GATAD1: variants seen among roughly 807,000 people sequenced by gnomAD.
GATAD1 encodes GATA zinc finger domain-containing protein 1.
In GATAD1, 12 loss-of-function variants were observed where a neutral mutation model predicts 26.5. The ratio of observed to expected loss-of-function variants is 0.45; its 90% CI spans 0.29 to 0.73. GATAD1 has a LOEUF of 0.73. GATAD1 is among the 30% of genes least tolerant of loss of function. The probability of loss-of-function intolerance (pLI) is 0.10; values close to 1 mark genes in which losing one functional copy is unlikely to be tolerated. For synonymous variants in GATAD1, 129 were observed against 133.1 expected, an observed-to-expected ratio of 0.97 and a Z score of 0.21; for missense variants, 266 against 342.1, an observed-to-expected ratio of 0.78 and a Z score of 1.75.
intron 2 of GATAD1, 32 bp from the exon 3 acceptor site, chr7:92,450,669 T>C (rs756899166): frequency 6.0e-6 from 9 of 1,500,248 alleles, no homozygotes; most frequent in Non-Finnish European, 7.4e-6. Context: ...ATACATACTA[T>C]GAATGTGCTA....
chr7:92,494,967 A>G, the GATAD1 span, among the ~76,000 whole-genome samples: 116 of 152,044 alleles, frequency 7.6e-4, 3 homozygotes, highest in African/African-American at 2.7e-3. Context: ...GGATCAAAAC[A>G]AAAACTGACT....
At chr7:92,493,092 G>A in the GATAD1 span, 4 of 1,612,034 alleles carry the variant, frequency 2.5e-6, no homozygotes, top group Non-Finnish European at 3.4e-6. Context: ...CAGAGGTAGA[G>A]AGTCACTGAG....
downstream of GATAD1, among the ~76,000 whole-genome samples, chr7:92,460,776 CAAAAAAAAAAAAA>C (rs557542327): frequency 1.6e-5 from 1 of 63,344 alleles, no homozygotes; most frequent in Non-Finnish European, 3.4e-5. Context: ...GACCTTCTCT[CAAAAAAAAAAAAA>C]AAAAAAAAAA....
At chr7:92,454,275 C>T (rs1789568478) in intron 3 of GATAD1, 1 of 466,884 alleles carries the variant, frequency 2.1e-6, no homozygotes, top group Non-Finnish European at 3.7e-6. Flanking sequence ...AATCTTTTCT[C>T]CAGATGTAAA....
At chr7:92,475,999 C>A in the GATAD1 span, among the ~76,000 whole-genome samples, 1 of 152,286 alleles carries the variant, frequency 6.6e-6, no homozygotes, top group African/African-American at 2.4e-5. Flanking sequence ...CCACAAGAGT[C>A]CCCGTATCAA....
chr7:92,487,491 A>G, the GATAD1 span: 1 of 1,596,488 alleles, frequency 6.3e-7, no homozygotes, highest in South Asian at 1.1e-5. Flanking sequence ...AGGTCGAAAC[A>G]TTGTTCCACT....
the GATAD1 span, among the ~76,000 whole-genome samples, chr7:92,495,022 C>A: frequency 6.6e-6 from 1 of 151,826 alleles, no homozygotes; most frequent in African/African-American, 2.4e-5. Flanking sequence ...TACAAGTAAC[C>A]ATTTTTATAT....
intron 4 of GATAD1, 22 bp downstream of exon 4, chr7:92,454,707 G>C: frequency 1.3e-6 from 2 of 1,534,596 alleles, no homozygotes; most frequent in Non-Finnish European, 1.8e-6. Context: ...AAATGGCACA[G>C]GTTTTTTTTT....
At chr7:92,469,910 G>C in the GATAD1 span, 5 of 778,672 alleles carry the variant, frequency 6.4e-6, no homozygotes, top group East Asian at 1.2e-4. Context: ...TGGGTACGGA[G>C]GGTTTCATGT....
the GATAD1 span, chr7:92,470,269 A>G: frequency 1.3e-6 from 1 of 778,730 alleles, no homozygotes; most frequent in East Asian, 2.4e-5. Flanking sequence ...CATTCTCCAT[A>G]GAAACTCTTG....
the GATAD1 span, among the ~76,000 whole-genome samples, chr7:92,465,997 C>T: frequency 1.3e-5 from 2 of 152,012 alleles, no homozygotes; most frequent in South Asian, 2.1e-4. Context: ...GAGTGAGACT[C>T]GGTCTCAAAA....
At chr7:92,491,938 G>A in the GATAD1 span, among the ~76,000 whole-genome samples, 1 of 152,130 alleles carries the variant, frequency 6.6e-6, no homozygotes, top group South Asian at 2.1e-4. Context: ...AAAACCTAGG[G>A]AGTTTCTGAT....
chr7:92,489,540 T>C, the GATAD1 span: 1 of 1,065,034 alleles, frequency 9.4e-7, no homozygotes, highest in African/African-American at 1.6e-5. Context: ...TTCTCTTCCT[T>C]ATAAGATAAT....
At chr7:92,478,608 C>G in the GATAD1 span, among the ~76,000 whole-genome samples, 5 of 152,094 alleles carry the variant, frequency 3.3e-5, no homozygotes, top group Non-Finnish European at 2.9e-5. Flanking sequence ...TTTGGTGCTG[C>G]CTAATTATGG....
intron 3 of GATAD1, among the ~76,000 whole-genome samples, chr7:92,453,856 CTG>C (rs1460163855): frequency 6.6e-6 from 1 of 152,172 alleles, no homozygotes; most frequent in Non-Finnish European, 1.5e-5. Context: ...TGCTTCATGA[CTG>C]TGGCTAACAA....
chr7:92,491,693 A>G, the GATAD1 span: 1 of 558,408 alleles, frequency 1.8e-6, no homozygotes, highest in Non-Finnish European at 3.2e-6. Flanking sequence ...TAAAGACAAG[A>G]TAGAATGTGT....
At chr7:92,489,437 A>G in the GATAD1 span, 121 of 1,610,374 alleles carry the variant, frequency 7.5e-5, no homozygotes, top group South Asian at 2.5e-4. Flanking sequence ...AAGTAAAAAA[A>G]GAAATTGACG....
At chr7:92,470,119 G>C in the GATAD1 span, 1 of 778,678 alleles carries the variant, frequency 1.3e-6, no homozygotes, top group African/African-American at 1.7e-5. Context: ...CATTTTTCCT[G>C]TCCAATAATG....
Position 92,456,250 on chromosome 7 carries a change from C to A in GATAD1, c.620-122C>A, listed in dbSNP as rs913390830. On this transcript the variant is annotated intron_variant, in intron 4 of 4. Coordinates refer to ENST00000287957, the MANE Select transcript of GATAD1 (RefSeq NM_021167.5). The stretch of plus-strand genomic sequence containing the variant: ...AATAATTTCAAAGTAATGCATGTTT[C>A]AAGGGCTAATGCCAGGTTGCTCCCA... The A allele has an allele frequency of 5.3e-6, 3 of 562,468 alleles. No homozygotes were observed. The African/African-American group carries it at 5.7e-5, about 11-fold the overall frequency. 34.8% of individuals were successfully genotyped at this position (562,468 alleles called of 1,614,324 possible). A position where few individuals can be genotyped will look rare whatever the true frequency, so the allele number is the denominator to read the frequency against.
Sources: gnomAD v4.1 joint callset for allele counts (sites outside exome capture counted in the v4.1 genomes callset) on GRCh38, gnomAD v4.1.1 for gene constraint, MANE v1.5 for transcripts, NCBI Gene and HGNC (gene_info 2026-07-23, HGNC 2026-07-21) for gene names.